The following RAB11FIP3 variants were observed in gnomAD, a reference collection of about 807,000 sequenced individuals.
The protein encoded by RAB11FIP3 is rab11 family-interacting protein 3.
RAB11FIP3 carries 17 observed loss-of-function variants against 77.8 expected under a neutral mutation model. That is an observed-to-expected ratio of 0.22 (90% CI 0.15 to 0.33). RAB11FIP3 has a LOEUF of 0.33. Among genes scored for constraint, RAB11FIP3 ranks in the 10% least tolerant of loss-of-function variants. The probability of loss-of-function intolerance (pLI) is 1.00; values close to 1 mark genes in which losing one functional copy is unlikely to be tolerated. For synonymous variants in RAB11FIP3, 437 were observed against 448.2 expected (o/e 0.98, Z 0.31); for missense variants, 1,005 against 1,011.2 (o/e 0.99, Z 0.08).
intron 1 of RAB11FIP3, among the ~76,000 whole-genome samples, chr16:456,834 A>G (rs757785273): frequency 2.2e-4 from 34 of 152,318 alleles, no homozygotes; most frequent in Middle Eastern, 6.8e-3. Context: ...CAGCAGGGAA[A>G]GCCCTTTGTG....
chr16:436,032 C>A (rs2055121008), intron 1 of RAB11FIP3, among the ~76,000 whole-genome samples: 1 of 152,098 alleles, frequency 6.6e-6, no homozygotes, highest in Non-Finnish European at 1.5e-5. Flanking sequence ...GATCATTGGC[C>A]AGGCACGGTG....
At chr16:445,033 G>A (rs1429614047) in intron 1 of RAB11FIP3, among the ~76,000 whole-genome samples, 9 of 143,578 alleles carry the variant, frequency 6.3e-5, no homozygotes, top group Non-Finnish European at 1.3e-4. Context: ...AGAATGGCGT[G>A]AACCCGGGAG....
Position 461,617 on chromosome 16 carries a change from C to T in RAB11FIP3, c.808+120C>T. ...TAACATCTTTCCTTCTCCTTGAAGC[C>T]CCCAACATACCCCAGGTTTCCAGGT... On this transcript the variant is annotated intron_variant, in intron 2 of 13. Transcript: ENST00000262305. The surrounding 1 kb of genome is among the most constrained non-coding windows in gnomAD (Gnocchi z 4.5). 1 of 722,064 alleles carries T rather than the reference C, an allele frequency of 1.4e-6. No individual in the cohort carries two copies. The highest frequency in any genetic ancestry group is 2.3e-6 in the Non-Finnish European group (1 of 435,864). 44.7% of individuals were successfully genotyped at this position (722,064 alleles called of 1,614,324 possible).
chr16:504,005 TA>T (rs2031681687), intron 7 of RAB11FIP3, among the ~76,000 whole-genome samples: 1 of 36,814 alleles, frequency 2.7e-5, no homozygotes, highest in Non-Finnish European at 5.5e-5. Context: ...CCACCTCCTG[TA>T]CCCCCTCACT....
At chr16:456,166 TA>T (rs1270469491) in intron 1 of RAB11FIP3, among the ~76,000 whole-genome samples, 3 of 151,740 alleles carry the variant, frequency 2.0e-5, no homozygotes, top group Non-Finnish European at 4.4e-5. Context: ...ACCCCATCTG[TA>T]AGGTGGGCTG....
intron 4 of RAB11FIP3, among the ~76,000 whole-genome samples, chr16:485,578 A>G (rs1033904573): frequency 8.5e-5 from 13 of 152,104 alleles, no homozygotes; most frequent in African/African-American, 3.1e-4. Context: ...GCGCCCAGCT[A>G]ATTTTTGTAG....
At chr16:436,126 T>C (rs2055122737) in intron 1 of RAB11FIP3, among the ~76,000 whole-genome samples, 1 of 152,100 alleles carries the variant, frequency 6.6e-6, no homozygotes, top group Non-Finnish European at 1.5e-5. Flanking sequence ...CTGGCTAACA[T>C]GGTGAAACCC....
At chr16:427,812 C>G (rs2141833472) in intron 1 of RAB11FIP3, among the ~76,000 whole-genome samples, 1 of 152,192 alleles carries the variant, frequency 6.6e-6, no homozygotes, top group East Asian at 1.9e-4. Context: ...CATTAAGAAC[C>G]TTGATGGTCG....
intron 2 of RAB11FIP3, among the ~76,000 whole-genome samples, chr16:463,807 C>A (rs897470728): frequency 6.6e-6 from 1 of 152,208 alleles, no homozygotes; most frequent in Non-Finnish European, 1.5e-5. Context: ...GGGACCAGCA[C>A]GGCCTCTGCG....
At chr16:427,407 A>G (rs1204511) in intron 1 of RAB11FIP3, among the ~76,000 whole-genome samples, 59,066 of 152,050 alleles carry the variant, frequency 0.39, 11,749 homozygotes, top group South Asian at 0.53. Context: ...CTCTCGTAGG[A>G]GAGGTGAAAT....
chr16:487,191 C>T (rs894138363), intron 4 of RAB11FIP3, among the ~76,000 whole-genome samples: 2 of 147,398 alleles, frequency 1.4e-5, no homozygotes, highest in African/African-American at 2.5e-5. Flanking sequence ...AGTGCAGTGG[C>T]GCGATCTCGG....
intron 1 of RAB11FIP3, among the ~76,000 whole-genome samples, chr16:448,680 G>A (rs1206354281): frequency 6.7e-6 from 1 of 149,856 alleles, no homozygotes; most frequent in Non-Finnish European, 1.5e-5. Flanking sequence ...AGCTTGCAGT[G>A]AGCCGAGATG....
intron 1 of RAB11FIP3, among the ~76,000 whole-genome samples, chr16:445,405 T>C (rs11248935): frequency 0.68 from 102,372 of 151,168 alleles, 34,816 homozygotes; most frequent in East Asian, 0.75. Context: ...TGCCACTGCA[T>C]TCCAGCCTGG....
intron 1 of RAB11FIP3, among the ~76,000 whole-genome samples, chr16:430,471 C>T (rs555160071): frequency 6.6e-6 from 1 of 152,240 alleles, no homozygotes; most frequent in South Asian, 2.1e-4. Context: ...AAGGAAGTGT[C>T]GATGCTCAGA....
At position 471,469 on chromosome 16, in the gene RAB11FIP3, C is replaced by A. The variant is rs1221316602; in HGVS notation, c.903+80C>A. ...TATGCCCTACAGCTCGTGCCTCCTGCCTCCGGGCTGTCTTCCGTAGAAGCT... is the reference window on the plus strand; with the variant it reads ...TATGCCCTACAGCTCGTGCCTCCTGACTCCGGGCTGTCTTCCGTAGAAGCT... On this transcript the variant is annotated intron_variant, in intron 3 of 13. Transcript: ENST00000262305. This position sits in a 1 kb window ranked among gnomAD's most constrained non-coding sequence, Gnocchi z 4.4. 3 of 1,219,282 alleles carry A rather than the reference C, an allele frequency of 2.5e-6. No homozygotes were observed. The highest frequency in any genetic ancestry group is 3.5e-6 in the Non-Finnish European group (3 of 846,062). 75.5% of individuals were successfully genotyped at this position (1,219,282 alleles called of 1,614,324 possible). A position where few individuals can be genotyped will look rare whatever the true frequency, so the allele number is the denominator to read the frequency against.
rs542603213 is a variant in RAB11FIP3 at position 511,691 on chromosome 16, A to G, written c.1640+891A>G. On this transcript the variant is annotated intron_variant, in intron 9 of 13. Transcript: ENST00000262305. Reference sequence around the variant, plus strand: ...AGGCCAGGCAGGAGAGGTTCCCGACAGCCCGCCCACCCCAGAAACTGCAGG... The same window carrying G: ...AGGCCAGGCAGGAGAGGTTCCCGACGGCCCGCCCACCCCAGAAACTGCAGG... Among the ~76,000 whole-genome samples, 238 of 71,322 alleles carry G rather than the reference A, an allele frequency of 3.3e-3. 1 individual carries two copies. Among genetic ancestry groups the G allele is most frequent in the Non-Finnish European group, 4.2e-3 (163 of 39,194 alleles). 46.8% of individuals were successfully genotyped at this position (71,322 alleles called of 152,430 possible). A position where few individuals can be genotyped will look rare whatever the true frequency, so the allele number is the denominator to read the frequency against.
intron 9 of RAB11FIP3, among the ~76,000 whole-genome samples, chr16:512,873 G>T (rs2032249174): frequency 6.6e-6 from 1 of 152,064 alleles, no homozygotes; most frequent in South Asian, 2.1e-4. Context: ...AGAGACAGGG[G>T]TTCTTGCTGT....
chr16:505,440 G>T lies in RAB11FIP3; in HGVS notation c.1396-84G>T, dbSNP rs546133143. The T allele has an allele frequency of 2.2e-5, 23 of 1,044,188 alleles. No individual in the cohort carries two copies. The highest frequency in any genetic ancestry group is 3.2e-5 in the Non-Finnish European group (23 of 721,250). 64.7% of individuals were successfully genotyped at this position (1,044,188 alleles called of 1,614,324 possible). A position where few individuals can be genotyped will look rare whatever the true frequency, so the allele number is the denominator to read the frequency against. On this transcript the variant is annotated intron_variant, in intron 7 of 13. Transcript: ENST00000262305. This position sits in a 1 kb window ranked among gnomAD's most constrained non-coding sequence, Gnocchi z 4.0. ...TGATTCTGTGCTGAGAAAATCCCCA[G>T]GCGGCCTCCCAGGTTGTTCCCTTGG...
chr16:437,702 A>G (rs532114183), intron 1 of RAB11FIP3, among the ~76,000 whole-genome samples: 97 of 152,234 alleles, frequency 6.4e-4, no homozygotes, highest in African/African-American at 2.3e-3. Flanking sequence ...TCAGAACATC[A>G]CTGTGCAGCC....
Sources: allele counts gnomAD v4.1 joint callset (sites outside exome capture counted in the v4.1 genomes callset), GRCh38; gene constraint gnomAD v4.1.1; non-coding constraint Gnocchi (gnomAD v3.1); transcripts MANE v1.5; gene names NCBI Gene and HGNC (gene_info 2026-07-23, HGNC 2026-07-21).